ASH1L: variants seen among roughly 807,000 people sequenced by gnomAD.
ASH1L encodes ASH1 like histone lysine methyltransferase.
ASH1L carries 23 observed loss-of-function variants against 269.0 expected under a neutral mutation model. The ratio of observed to expected loss-of-function variants is 0.09; its 90% CI spans 0.06 to 0.12. The LOEUF (loss-of-function observed/expected upper bound fraction) is 0.12. Among genes scored for constraint, ASH1L ranks in the 10% least tolerant of loss-of-function variants. The probability of loss-of-function intolerance (pLI) is 1.00; values close to 1 mark genes in which losing one functional copy is unlikely to be tolerated. For synonymous variants in ASH1L, 1,187 were observed against 1,253.5 expected (o/e 0.95, Z 1.12); for missense variants, 2,912 against 3,567.8 (o/e 0.82, Z 4.68).
rs760468382 is a variant in ASH1L, at chr1:155,478,573, G to T, written c.4297C>A (p.Leu1433Ile). ...TTATGGTATTTGGCAGGATTGAGAA[G>T]TAAATGACCAGCATGCATATAGGAA... Reference protein sequence around the residue: ...PPSYMHAGHLLLNPAKYHKKK... With the variant: ...PPSYMHAGHLILNPAKYHKKK... Residue 1433 changes from leucine to isoleucine, a missense_variant, in exon 3 of 28, where the codon CTT becomes ATT. Leu to Ile is a conservative substitution (Grantham distance 5). This residue lies in a region of ASH1L where 789 missense variants were observed against 897.6 expected (regional missense o/e 0.88). Transcript: ENST00000392403. The surrounding 1 kb of genome is among the most constrained non-coding windows in gnomAD (Gnocchi z 4.6). 6.2e-7 allele frequency: 1 copy of T among 1,614,080 alleles called. No homozygotes were observed. Among genetic ancestry groups the T allele is most frequent in the Non-Finnish European group, 8.5e-7 (1 of 1,180,028 alleles).
chr1:155,482,805 TGAAAA>T (rs1666050286), intron 2 of ASH1L, among the ~76,000 whole-genome samples: 1 of 152,206 alleles, frequency 6.6e-6, no homozygotes, highest in African/African-American at 2.4e-5. Context: ...TTACCATTTT[TGAAAA>T]GAAAATTATT....
chr1:155,413,455 C>T (rs1440720551), intron 6 of ASH1L, among the ~76,000 whole-genome samples: 2 of 152,004 alleles, frequency 1.3e-5, no homozygotes, highest in East Asian at 3.9e-4. Context: ...AAATTACAAA[C>T]AATTAGCTGG....
At position 155,562,759 on chromosome 1, in the gene ASH1L, G is replaced by T; in HGVS notation, c.-706C>A. 9.5e-7 allele frequency: 1 copy of T among 1,049,788 alleles called. No homozygotes were observed. The highest frequency in any genetic ancestry group is 1.4e-6 in the Non-Finnish European group (1 of 715,006). The allele number at this position is 1,049,788 out of a possible 1,614,324, so 65.0% of individuals were successfully genotyped here. A position where few individuals can be genotyped will look rare whatever the true frequency, so the allele number is the denominator to read the frequency against. ...CTCAGGCCCTGTCAAGCCGGCGCCG[G>T]CGCAGGCCCTCACGCGTACCTTCAA... On this transcript the variant is annotated 5_prime_UTR_variant, in exon 1 of 28. Coordinates refer to ENST00000392403, the MANE Select transcript of ASH1L (RefSeq NM_018489.3).
chr1:155,438,476 A>G lies in ASH1L; in HGVS notation c.5679T>C (p.Val1893=). ...GAACAACAGCCTCAATTACATCTGT[A>G]ACTGTGTCAGGACTGAGGTGCAGTG... The part of the protein sequence containing the change: ...GAALHLSPDT[V]TDVIEAVVQS... Residue 1893 remains valine (V), a synonymous_variant, in exon 5 of 28, where the codon GTT becomes GTC. Coordinates refer to ENST00000392403, the MANE Select transcript of ASH1L (RefSeq NM_018489.3). 6.2e-7 allele frequency: 1 copy of G among 1,613,894 alleles called. No individual in the cohort carries two copies. The highest frequency in any genetic ancestry group is 1.6e-4 in the Middle Eastern group (1 of 6,062).
intron 6 of ASH1L, 112 bp downstream of exon 6, chr1:155,415,632 C>G: frequency 2.3e-6 from 3 of 1,286,370 alleles, no homozygotes; most frequent in East Asian, 2.3e-5. Context: ...TGCAAAAACA[C>G]AATCATCACG....
chr1:155,404,570 C>G (rs1158432743), intron 6 of ASH1L, among the ~76,000 whole-genome samples: 2 of 151,932 alleles, frequency 1.3e-5, no homozygotes, highest in South Asian at 2.1e-4. Flanking sequence ...TAAGCAAAGT[C>G]AAGACACACA....
chr1:155,457,270 A>G (rs1317555942), intron 4 of ASH1L, among the ~76,000 whole-genome samples: 2 of 152,200 alleles, frequency 1.3e-5, no homozygotes, highest in African/African-American at 4.8e-5. Context: ...TCCCAATTGC[A>G]TGTACAATGA....
intron 5 of ASH1L, among the ~76,000 whole-genome samples, chr1:155,424,152 T>A (rs1450189767): frequency 6.6e-6 from 1 of 152,190 alleles, no homozygotes; most frequent in East Asian, 1.9e-4. Context: ...CCTTCTAACA[T>A]CACTAATGGC....
chr1:155,507,837 T>C (rs1362711100), intron 2 of ASH1L, among the ~76,000 whole-genome samples: 1 of 152,234 alleles, frequency 6.6e-6, no homozygotes, highest in African/African-American at 2.4e-5. Flanking sequence ...ATCATGCCAC[T>C]GCACAGCCTT....
At chr1:155,531,652 A>C (rs1038433846) in intron 1 of ASH1L, among the ~76,000 whole-genome samples, 1 of 152,186 alleles carries the variant, frequency 6.6e-6, no homozygotes, top group African/African-American at 2.4e-5. Flanking sequence ...TCCCCCCCTA[A>C]AAATGTATAT....
rs370627261 is a variant in ASH1L at position 155,437,105 on chromosome 1, T to C, written c.5828+1222A>G. Among the ~76,000 whole-genome samples, 63 of 152,236 alleles carry C rather than the reference T, an allele frequency of 4.1e-4. No individual in the cohort carries two copies. The South Asian group carries it at 0.012, about 29-fold the overall frequency. On this transcript the variant is annotated intron_variant, in intron 5 of 27. Transcript: ENST00000392403. ...ATAGCTTTATAGATAAAACAGACAA[T>C]TGGACTTCATAGATATCAGAAAATT...
At chr1:155,390,157 A>G (rs1269741579) in intron 7 of ASH1L, among the ~76,000 whole-genome samples, 1 of 152,128 alleles carries the variant, frequency 6.6e-6, no homozygotes, top group Non-Finnish European at 1.5e-5. Context: ...CCAAAATAAA[A>G]AAAGTTGATC....
At chr1:155,557,030 T>C (rs908448872) in intron 1 of ASH1L, among the ~76,000 whole-genome samples, 3 of 152,058 alleles carry the variant, frequency 2.0e-5, no homozygotes, top group Non-Finnish European at 4.4e-5. Context: ...AGTAAGACCC[T>C]GTCTCAAAAA....
At chr1:155,499,151 T>C (rs746885519) in intron 2 of ASH1L, among the ~76,000 whole-genome samples, 2 of 152,054 alleles carry the variant, frequency 1.3e-5, no homozygotes, top group Non-Finnish European at 2.9e-5. Context: ...AGCCAAAACA[T>C]GTTACTAGCA....
chr1:155,346,214 T>C, intron 21 of ASH1L, 169 bp downstream of exon 21: 1 of 1,536,804 alleles, frequency 6.5e-7, no homozygotes, highest in Non-Finnish European at 8.8e-7. Flanking sequence ...ACTCCTGAAA[T>C]AGGGAAGAAC....
At chr1:155,422,702 G>A (rs1250251998) in intron 5 of ASH1L, among the ~76,000 whole-genome samples, 4 of 150,680 alleles carry the variant, frequency 2.7e-5, no homozygotes, top group Admixed American at 1.3e-4. Context: ...AGGCTGGAGT[G>A]CAGTGGCGTG....
chr1:155,550,532 T>C (rs1671126271), intron 1 of ASH1L, among the ~76,000 whole-genome samples: 1 of 152,188 alleles, frequency 6.6e-6, no homozygotes, highest in African/African-American at 2.4e-5. Context: ...TTCTATTCCT[T>C]GAACACACCA....
intron 1 of ASH1L, among the ~76,000 whole-genome samples, chr1:155,543,949 C>G (rs1349052910): frequency 6.6e-6 from 1 of 151,980 alleles, no homozygotes; most frequent in African/African-American, 2.4e-5. Context: ...AAAAAAAACA[C>G]AACAAAACAA....
chr1:155,517,357 G>A (rs932816415), intron 2 of ASH1L, among the ~76,000 whole-genome samples: 3 of 152,070 alleles, frequency 2.0e-5, no homozygotes, highest in East Asian at 1.9e-4. Context: ...GGAAGGGCAC[G>A]GTGGCTCACA....
Sources: gnomAD v4.1 joint callset for allele counts (sites outside exome capture counted in the v4.1 genomes callset) on GRCh38, gnomAD v4.1.1 for gene constraint, gnomAD v4.1.1 regional missense constraint, Gnocchi (gnomAD v3.1) non-coding constraint, MANE v1.5 for transcripts, NCBI Gene and HGNC (gene_info 2026-07-23, HGNC 2026-07-21) for gene names.